Variants in TP63 observed in about 807,000 individuals in gnomAD.
TP63 encodes tumor protein p63.
Under a neutral mutation model 82.8 loss-of-function variants are expected in TP63, and 17 were observed. The ratio of observed to expected loss-of-function variants is 0.21; its 90% CI spans 0.14 to 0.31. The LOEUF is 0.31. Ranked by LOEUF, TP63 falls within the 10% of genes least tolerant of loss-of-function variation. The pLI, the probability that TP63 is intolerant of heterozygous loss-of-function variation, is 1.00. For synonymous variants in TP63, 330 were observed against 321.7 expected, an observed-to-expected ratio of 1.03 and a Z score of -0.28; for missense variants, 648 against 895.3, an observed-to-expected ratio of 0.72 and a Z score of 3.52.
At chr3:189,656,107 T>A (rs1713332292) in intron 1 of TP63, among the ~76,000 whole-genome samples, 2 of 152,204 alleles carry the variant, frequency 1.3e-5, no homozygotes, top group South Asian at 2.1e-4. Context: ...TTACTTTTTT[T>A]ATCCTTAATT....
At chr3:189,682,462 G>A (rs1181567300) in intron 1 of TP63, among the ~76,000 whole-genome samples, 9 of 142,552 alleles carry the variant, frequency 6.3e-5, no homozygotes, top group Non-Finnish European at 9.1e-5. Context: ...AAAATAGGAC[G>A]ATATTTTGCA....
intron 3 of TP63, among the ~76,000 whole-genome samples, chr3:189,767,323 G>A (rs1723029305): frequency 6.6e-6 from 1 of 151,948 alleles, no homozygotes; most frequent in Admixed American, 6.6e-5. Flanking sequence ...CACATAACAT[G>A]TTCTTGTTGT....
intron 3 of TP63, among the ~76,000 whole-genome samples, chr3:189,764,807 T>A (rs1477015280): frequency 6.6e-6 from 1 of 152,132 alleles, no homozygotes; most frequent in Non-Finnish European, 1.5e-5. Flanking sequence ...TATTTTAAAA[T>A]CTCATTTTTG....
intron 3 of TP63, among the ~76,000 whole-genome samples, chr3:189,778,005 G>A (rs1019848573): frequency 4.6e-5 from 7 of 151,652 alleles, no homozygotes; most frequent in Non-Finnish European, 5.9e-5. Flanking sequence ...ACAGGCATGC[G>A]CCATCACATC....
intron 4 of TP63, among the ~76,000 whole-genome samples, chr3:189,852,647 A>G (rs969042427): frequency 2.6e-5 from 4 of 152,148 alleles, no homozygotes; most frequent in African/African-American, 9.7e-5. Flanking sequence ...GGGTTTCCCC[A>G]ATTTTACTTT....
At chr3:189,640,536 C>A (rs924051679) in intron 1 of TP63, among the ~76,000 whole-genome samples, 3 of 152,136 alleles carry the variant, frequency 2.0e-5, no homozygotes, top group Admixed American at 2.0e-4. Flanking sequence ...TTTTTACAGT[C>A]AGATGTTCAA....
intron 3 of TP63, among the ~76,000 whole-genome samples, chr3:189,795,187 C>G (rs908387917): frequency 2.0e-5 from 3 of 152,046 alleles, no homozygotes; most frequent in African/African-American, 7.2e-5. Flanking sequence ...TGGCTGTAAG[C>G]CAGACACAAT....
chr3:189,689,615 C>T (rs1220358309), intron 1 of TP63, among the ~76,000 whole-genome samples: 1 of 152,032 alleles, frequency 6.6e-6, no homozygotes, highest in Non-Finnish European at 1.5e-5. Flanking sequence ...CAAATATGTT[C>T]ATTTTTCTGA....
At chr3:189,730,017 A>G (rs576786433) in intron 1 of TP63, among the ~76,000 whole-genome samples, 1 of 152,350 alleles carries the variant, frequency 6.6e-6, no homozygotes, top group African/African-American at 2.4e-5. Flanking sequence ...TTGTGTGGTC[A>G]GGAATGCTTC....
chr3:189,867,579 C>T (rs968553926), intron 6 of TP63, among the ~76,000 whole-genome samples: 8 of 152,104 alleles, frequency 5.3e-5, no homozygotes, highest in South Asian at 2.1e-4. Flanking sequence ...AGCTTACAAA[C>T]GAACAGGATC....
At chr3:189,777,514 A>G (rs1305503598) in intron 3 of TP63, among the ~76,000 whole-genome samples, 1 of 152,066 alleles carries the variant, frequency 6.6e-6, no homozygotes, top group Non-Finnish European at 1.5e-5. Context: ...GTTATTCTGA[A>G]TGCATAATTT....
intron 1 of TP63, among the ~76,000 whole-genome samples, chr3:189,685,343 G>T (rs1399365613): frequency 1.3e-5 from 2 of 152,118 alleles, no homozygotes; most frequent in East Asian, 1.9e-4. Flanking sequence ...TGCATTGCAG[G>T]TTGTTTCTTC....
chr3:189,707,123 T>A (rs2108749009), intron 1 of TP63, among the ~76,000 whole-genome samples: 1 of 152,334 alleles, frequency 6.6e-6, no homozygotes, highest in East Asian at 1.9e-4. Context: ...TTTTTAATAG[T>A]ACAGTTTTAT....
intron 4 of TP63, among the ~76,000 whole-genome samples, chr3:189,826,725 G>A (rs910514141): frequency 6.6e-6 from 1 of 152,122 alleles, no homozygotes; most frequent in Non-Finnish European, 1.5e-5. Flanking sequence ...AGGACGCATA[G>A]CATGAGTCTC....
At chr3:189,886,323 C>A in intron 10 of TP63, 71 bp from the exon 11 acceptor site, 1 of 1,522,824 alleles carries the variant, frequency 6.6e-7, no homozygotes. Context: ...AAACAGAGAC[C>A]TGTTGAAAAT....
At chr3:189,873,051 A>T in intron 10 of TP63, 56 bp downstream of exon 10, 1 of 1,612,508 alleles carries the variant, frequency 6.2e-7, no homozygotes, top group Non-Finnish European at 8.5e-7. Context: ...CTTTATTTGG[A>T]TCAGCAATAG....
intron 1 of TP63, among the ~76,000 whole-genome samples, chr3:189,704,622 C>G (rs1718064732): frequency 6.6e-6 from 1 of 152,198 alleles, no homozygotes; most frequent in Non-Finnish European, 1.5e-5. Context: ...TAAGGAAGGA[C>G]AAGGTTCTTT....
the TP63 span, among the ~76,000 whole-genome samples, chr3:189,601,532 A>G: frequency 1.3e-5 from 2 of 152,070 alleles, no homozygotes; most frequent in African/African-American, 4.8e-5. Context: ...TCATTAGAAA[A>G]TTCTGAATTT....
Position 189,894,190 on chromosome 3 carries a change from T to G in TP63, c.1747-16T>G, listed in dbSNP as rs1560310827. 2 of 1,614,128 alleles carry G rather than the reference T, an allele frequency of 1.2e-6. No homozygotes were observed. Among genetic ancestry groups the G allele is most frequent in the East Asian group, 4.5e-5 (2 of 44,860 alleles). On this transcript the variant is annotated splice_polypyrimidine_tract_variant and intron_variant, in intron 13 of 13. Transcript: ENST00000264731. ...CCCTGTTTTCATTCTCCATGACACC[T>G]TCCCCTGTTGCACAGGATCTGGCAA...
Sources: allele counts gnomAD v4.1 joint callset (sites outside exome capture counted in the v4.1 genomes callset), GRCh38; gene constraint gnomAD v4.1.1; transcripts MANE v1.5; gene names NCBI Gene and HGNC (gene_info 2026-07-23, HGNC 2026-07-21).